The following LSM6 variants were observed in gnomAD, a reference collection of about 807,000 sequenced individuals.
LSM6 encodes U6 snRNA-associated Sm-like protein LSm6.
LSM6 carries 2 observed loss-of-function variants against 13.5 expected under a neutral mutation model. That is an observed-to-expected ratio of 0.15 (90% CI 0.06 to 0.47). LSM6 has a LOEUF of 0.47. Ranked by LOEUF, LSM6 falls within the 20% of genes least tolerant of loss-of-function variation. LSM6 has a pLI of 0.97. For missense variants in LSM6, 58 were observed against 96.4 expected (o/e 0.60, Z 1.67); for synonymous variants, 43 against 34.9 (o/e 1.23, Z -0.82).
At chr4:146,179,306 A>G (rs568028973) in intron 1 of LSM6, among the ~76,000 whole-genome samples, 1 of 152,344 alleles carries the variant, frequency 6.6e-6, no homozygotes, top group East Asian at 1.9e-4. Context: ...AGAAATTGTC[A>G]GAACTGTTTC....
At chr4:146,189,341 C>A (rs571811786) in intron 3 of LSM6, among the ~76,000 whole-genome samples, 1 of 152,284 alleles carries the variant, frequency 6.6e-6, no homozygotes. Flanking sequence ...TTCTTAGATA[C>A]CAGGGACTTT....
At chr4:146,181,306 T>C (rs560370682) in intron 1 of LSM6, 2 of 152,354 alleles carry the variant, frequency 1.3e-5, no homozygotes, top group South Asian at 4.1e-4. Context: ...AATAAAATTA[T>C]TTTACTTAAA....
At chr4:146,175,918 C>A (rs1214293524) in intron 1 of LSM6, 107 bp downstream of exon 1, 1 of 152,330 alleles carries the variant, frequency 6.6e-6, no homozygotes, top group Non-Finnish European at 1.5e-5. Context: ...CGGCCCTAGG[C>A]CGGGCGAGGC....
At chr4:146,182,771 TAGC>T in intron 1 of LSM6, 138 bp from the exon 2 acceptor site, 2 of 575,714 alleles carry the variant, frequency 3.5e-6, no homozygotes, top group South Asian at 3.9e-5. Flanking sequence ...TGTCATGTAG[TAGC>T]AGTGGAGTAA....
chr4:146,185,589 A>C (rs1730328723), intron 2 of LSM6, among the ~76,000 whole-genome samples: 1 of 150,374 alleles, frequency 6.7e-6, no homozygotes, highest in African/African-American at 2.4e-5. Context: ...TTGGTTTTGT[A>C]TAGTAGTTTA....
chr4:146,186,471 G>C (rs1462169303), intron 2 of LSM6, among the ~76,000 whole-genome samples: 1 of 152,060 alleles, frequency 6.6e-6, no homozygotes, highest in African/African-American at 2.4e-5. Flanking sequence ...GACAGAATTA[G>C]AGGCTTACAG....
At chr4:146,188,731 A>G (rs993645591) in intron 3 of LSM6, among the ~76,000 whole-genome samples, 3 of 152,192 alleles carry the variant, frequency 2.0e-5, no homozygotes, top group African/African-American at 4.8e-5. Context: ...GGTAGTCATG[A>G]GAAGACCACT....
intron 2 of LSM6, among the ~76,000 whole-genome samples, chr4:146,187,037 T>C (rs1332519527): frequency 6.6e-6 from 1 of 152,234 alleles, no homozygotes; most frequent in Non-Finnish European, 1.5e-5. Context: ...ATGAGGGAAG[T>C]GACAGTTTGT....
chr4:146,184,965 A>C (rs1435249384), intron 2 of LSM6, among the ~76,000 whole-genome samples: 1 of 152,086 alleles, frequency 6.6e-6, no homozygotes, highest in African/African-American at 2.4e-5. Context: ...GAAACAGTAC[A>C]TTTAGTTTTG....
At chr4:146,183,291 C>T (rs192617983) in intron 2 of LSM6, 100 of 315,814 alleles carry the variant, frequency 3.2e-4, no homozygotes, top group Admixed American at 5.7e-4. Flanking sequence ...CTGGTAATAG[C>T]TAGGTATTCC....
chr4:146,178,567 A>G (rs1730162586), intron 1 of LSM6, among the ~76,000 whole-genome samples: 2 of 152,300 alleles, frequency 1.3e-5, no homozygotes, highest in South Asian at 2.1e-4. Context: ...TTTCCTTGCA[A>G]TTTTTGCTTT....
chr4:146,184,307 C>A (rs938014395), intron 2 of LSM6, among the ~76,000 whole-genome samples: 2 of 151,980 alleles, frequency 1.3e-5, no homozygotes, highest in African/African-American at 4.8e-5. Context: ...TTTTTTTGGT[C>A]TCTTTTCTGA....
At chr4:146,177,152 C>T (rs1450627252) in intron 1 of LSM6, among the ~76,000 whole-genome samples, 1 of 151,974 alleles carries the variant, frequency 6.6e-6, no homozygotes, top group African/African-American at 2.4e-5. Flanking sequence ...AACCTGGGGC[C>T]ATGAGAAGTG....
At chr4:146,179,377 A>G (rs1730182006) in intron 1 of LSM6, among the ~76,000 whole-genome samples, 1 of 152,226 alleles carries the variant, frequency 6.6e-6, no homozygotes, top group Admixed American at 6.5e-5. Context: ...GTGATGGGAA[A>G]AATTGTGGTG....
chr4:146,186,423 T>TA (rs1222718097), intron 2 of LSM6, among the ~76,000 whole-genome samples: 8 of 151,770 alleles, frequency 5.3e-5, no homozygotes, highest in African/African-American at 1.9e-4. Context: ...TGTTTTTACT[T>TA]AAATTTTTTT....
intron 3 of LSM6, among the ~76,000 whole-genome samples, chr4:146,188,985 CTTTT>C (rs574933137): frequency 2.3e-5 from 3 of 131,330 alleles, no homozygotes; most frequent in Non-Finnish European, 3.2e-5. Flanking sequence ...TGAAAAGCAT[CTTTT>C]TTTTTTTTTT....
At chr4:146,175,860 A>G in intron 1 of LSM6, 49 bp downstream of exon 1, 1 of 152,530 alleles carries the variant, frequency 6.6e-6, no homozygotes, top group Non-Finnish European at 1.5e-5. Context: ...GCGCAGCCCC[A>G]GGTTCGGTGC....
chr4:146,178,973 C>T (rs907985583), intron 1 of LSM6, among the ~76,000 whole-genome samples: 1 of 152,200 alleles, frequency 6.6e-6, no homozygotes, highest in Non-Finnish European at 1.5e-5. Context: ...ACTCTGGTAG[C>T]ACATAGTTGG....
chr4:146,183,076 T>C (rs1266752026), intron 2 of LSM6, 61 bp downstream of exon 2: 2 of 1,230,728 alleles, frequency 1.6e-6, no homozygotes, highest in Non-Finnish European at 2.4e-6. Flanking sequence ...GACTTACTGA[T>C]ATTTATTAAC....
Sources: allele counts gnomAD v4.1 joint callset (sites outside exome capture counted in the v4.1 genomes callset), GRCh38; gene constraint gnomAD v4.1.1; transcripts MANE v1.5; gene names NCBI Gene and HGNC (gene_info 2026-07-23, HGNC 2026-07-21).